Variants in PPME1 observed in about 807,000 individuals in gnomAD.
PPME1 encodes the protein protein phosphatase methylesterase 1, also known as testicular secretory protein Li 39.
Under a neutral mutation model 56.9 loss-of-function variants are expected in PPME1, and 17 were observed. That is an observed-to-expected ratio of 0.30 (90% CI 0.20 to 0.45). The LOEUF (loss-of-function observed/expected upper bound fraction) is 0.45. Ranked by LOEUF, PPME1 falls within the 20% of genes least tolerant of loss-of-function variation. The pLI is 1.00. For missense variants in PPME1, 357 were observed against 483.2 expected (o/e 0.74, Z 2.45); for synonymous variants, 122 against 156.2 (o/e 0.78, Z 1.63).
chr11:74,239,388 A>G, intron 9 of PPME1, 132 bp downstream of exon 9: 1 of 1,367,362 alleles, frequency 7.3e-7, no homozygotes. Context: ...CACTATCATA[A>G]GAGATACTTA....
chr11:74,214,699 A>AC (rs1218131092), intron 3 of PPME1, among the ~76,000 whole-genome samples: 6 of 152,210 alleles, frequency 3.9e-5, no homozygotes, highest in African/African-American at 1.4e-4. Flanking sequence ...AAAAAAAAAA[A>AC]AACTTTTATG....
chr11:74,178,380 G>A (rs1346892221), intron 1 of PPME1, among the ~76,000 whole-genome samples: 1 of 152,132 alleles, frequency 6.6e-6, no homozygotes, highest in Non-Finnish European at 1.5e-5. Flanking sequence ...CTGGCAGTAG[G>A]GAATGGGATT....
intron 1 of PPME1, among the ~76,000 whole-genome samples, chr11:74,185,934 G>A (rs1857669024): frequency 6.6e-6 from 1 of 152,154 alleles, no homozygotes; most frequent in African/African-American, 2.4e-5. Flanking sequence ...ATGGTTTTAA[G>A]TGAGGTAAGG....
chr11:74,203,613 A>G, intron 1 of PPME1, 115 bp from the exon 2 acceptor site: 1 of 641,700 alleles, frequency 1.6e-6, no homozygotes, highest in Non-Finnish European at 2.6e-6. Context: ...TTATATCTTT[A>G]AGAGAAAATA....
intron 1 of PPME1, among the ~76,000 whole-genome samples, chr11:74,174,549 C>G (rs954962744): frequency 6.6e-6 from 1 of 152,124 alleles, no homozygotes; most frequent in African/African-American, 2.4e-5. Flanking sequence ...GTGGCTTACT[C>G]TTAACTATTT....
chr11:74,208,052 G>A (rs1000498543), intron 3 of PPME1, among the ~76,000 whole-genome samples: 1 of 152,162 alleles, frequency 6.6e-6, no homozygotes, highest in East Asian at 1.9e-4. Context: ...GGTGGCTCAT[G>A]CCTGTAATCC....
intron 1 of PPME1, among the ~76,000 whole-genome samples, chr11:74,185,855 A>G (rs1405337188): frequency 1.3e-5 from 2 of 152,178 alleles, no homozygotes; most frequent in African/African-American, 4.8e-5. Flanking sequence ...CACTTTAAGC[A>G]AAGTATATTT....
intron 5 of PPME1, among the ~76,000 whole-genome samples, chr11:74,227,394 A>G (rs558181865): frequency 5.9e-5 from 9 of 152,158 alleles, no homozygotes; most frequent in Non-Finnish European, 1.3e-4. Context: ...CCAAGAATCA[A>G]AAGGGCGAAC....
Position 74,230,508 on chromosome 11 carries a change from G to T in PPME1, c.553+109G>T. 1.6e-6 allele frequency: 2 copies of T among 1,262,418 alleles called. No individual in the cohort carries two copies. The highest frequency in any genetic ancestry group is 2.2e-6 in the Non-Finnish European group (2 of 891,172). 78.2% of individuals were successfully genotyped at this position (1,262,418 alleles called of 1,614,324 possible). ...GTTGATTTCATTCATCTTGAAATAT[G>T]TCCCTCTGTCTTTATATCTTTTTTA... On this transcript the variant is annotated intron_variant, in intron 6 of 13. Coordinates refer to ENST00000328257, the MANE Select transcript of PPME1 (RefSeq NM_016147.3). This position sits in a 1 kb window ranked among gnomAD's most constrained non-coding sequence, Gnocchi z 4.9.
intron 8 of PPME1, 155 bp downstream of exon 8, chr11:74,236,121 TA>T (rs1224012574): frequency 7.9e-7 from 1 of 1,260,690 alleles, no homozygotes; most frequent in Non-Finnish European, 1.1e-6. Context: ...GGGACAGACA[TA>T]GATTTTCTTT....
chr11:74,214,952 CAT>C (rs1399360432), intron 3 of PPME1, among the ~76,000 whole-genome samples: 4 of 152,162 alleles, frequency 2.6e-5, no homozygotes, highest in African/African-American at 7.2e-5. Context: ...GTAAACAACT[CAT>C]ATCTTGAGTA....
chr11:74,245,116 G>T (rs1235728082), intron 9 of PPME1, among the ~76,000 whole-genome samples: 1 of 152,018 alleles, frequency 6.6e-6, no homozygotes, highest in East Asian at 1.9e-4. Context: ...ATTGGGGAGT[G>T]TGAGTTCTCC....
rs2135667199 is a variant in PPME1, at chr11:74,235,883, C to T, written c.645-18C>T. The T allele has an allele frequency of 6.2e-7, 1 of 1,604,454 alleles. No individual in the cohort carries two copies. Among genetic ancestry groups the T allele is most frequent in the East Asian group, 2.2e-5 (1 of 44,666 alleles). On this transcript the variant is annotated intron_variant, in intron 7 of 13. Transcript: ENST00000328257. ...AGATACTGAATAACCTTCTCTCTTC[C>T]TTTCTTTTCTTTCCCAGTGTGAAGA... is the stretch of plus-strand genomic sequence containing the variant.
chr11:74,254,138 A>G lies in PPME1; in HGVS notation c.*628A>G, dbSNP rs1187283251. ...AGCCGGTCCAAGCACATGGCCTCCC[A>G]TCTGGGAGAGCCCACTGTCCCACTC... On this transcript the variant is annotated 3_prime_UTR_variant, in exon 14 of 14. Transcript: ENST00000328257. 1 of 153,452 alleles carries G rather than the reference A, an allele frequency of 6.5e-6. No homozygotes were observed. Among genetic ancestry groups the G allele is most frequent in the East Asian group, 1.9e-4 (1 of 5,202 alleles). 9.5% of individuals were successfully genotyped at this position (153,452 alleles called of 1,614,324 possible). A position where few individuals can be genotyped will look rare whatever the true frequency, so the allele number is the denominator to read the frequency against.
intron 1 of PPME1, among the ~76,000 whole-genome samples, chr11:74,201,197 G>A (rs1858154888): frequency 1.3e-5 from 2 of 151,862 alleles, no homozygotes; most frequent in Admixed American, 1.3e-4. Flanking sequence ...GGATGGTCTC[G>A]ATCTCCTGAC....
rs1363668928 is a variant in PPME1 at position 74,230,155 on chromosome 11, TTACACACCAAAGAAAGGAAC to T, written c.399-88_399-69del. The T allele has an allele frequency of 3.5e-6, 5 of 1,415,674 alleles. No individual in the cohort carries two copies. The highest frequency in any genetic ancestry group is 4.8e-6 in the Non-Finnish European group (5 of 1,040,170). 87.7% of individuals were successfully genotyped at this position (1,415,674 alleles called of 1,614,324 possible). ...AGACTTTTACAGTTTCCCAGCACTG[TTACACACCAAAGAAAGGAAC>T]TGGGAAAGAAAACCATTTTTACAGT... On this transcript the variant is annotated intron_variant, in intron 5 of 13. Transcript: ENST00000328257. The surrounding 1 kb of genome is among the most constrained non-coding windows in gnomAD (Gnocchi z 4.9).
chr11:74,223,271 C>T (rs1158834618), intron 4 of PPME1, among the ~76,000 whole-genome samples: 3 of 151,568 alleles, frequency 2.0e-5, no homozygotes, highest in Non-Finnish European at 4.4e-5. Context: ...AGGACATGAA[C>T]TCATCATTTT....
At chr11:74,219,734 TG>T (rs1858748474) in intron 3 of PPME1, among the ~76,000 whole-genome samples, 1 of 152,028 alleles carries the variant, frequency 6.6e-6, no homozygotes, top group Non-Finnish European at 1.5e-5. Context: ...TACCAGAGGC[TG>T]GGAACAGTAG....
intron 9 of PPME1, among the ~76,000 whole-genome samples, chr11:74,242,919 T>C (rs1014477868): frequency 1.4e-5 from 2 of 146,658 alleles, no homozygotes; most frequent in African/African-American, 2.5e-5. Context: ...TGGAAGAAAT[T>C]AAGTAACTTT....
Sources: allele counts gnomAD v4.1 joint callset (sites outside exome capture counted in the v4.1 genomes callset), GRCh38; gene constraint gnomAD v4.1.1; non-coding constraint Gnocchi (gnomAD v3.1); transcripts MANE v1.5; gene names NCBI Gene and HGNC (gene_info 2026-07-23, HGNC 2026-07-21).